ASTN1: variants seen among roughly 807,000 people sequenced by gnomAD.
The protein encoded by ASTN1 is astrotactin-1.
ASTN1 carries 41 observed loss-of-function variants against 140.7 expected under a neutral mutation model. The ratio of observed to expected loss-of-function variants is 0.29; its 90% CI spans 0.23 to 0.38. The LOEUF is 0.38. ASTN1 is among the 10% of genes least tolerant of loss of function. The probability of loss-of-function intolerance (pLI) is 1.00; values close to 1 mark genes in which losing one functional copy is unlikely to be tolerated. For synonymous variants in ASTN1, 640 were observed against 652.2 expected, an observed-to-expected ratio of 0.98 and a Z score of 0.29; for missense variants, 1,479 against 1,678.8, an observed-to-expected ratio of 0.88 and a Z score of 2.08.
At position 177,144,598 on chromosome 1, in the gene ASTN1, T is replaced by C. The variant is rs1329718621; in HGVS notation, c.283+19796A>G. Among the ~76,000 whole-genome samples, 6 of 147,490 alleles carry C rather than the reference T, an allele frequency of 4.1e-5. No homozygotes were observed. The Admixed American group carries it at 4.1e-4, about 10-fold the overall frequency. ...TTATCTCTGAGCTTGTTTAACATAC[T>C]AGATAACAGCCCCAGTGGTTTAGAG... On this transcript the variant is annotated intron_variant, in intron 1 of 22. Transcript: ENST00000361833.
intron 8 of ASTN1, among the ~76,000 whole-genome samples, chr1:176,981,211 C>CAAAAAAAAAA (rs35209486): frequency 1.7e-4 from 4 of 24,058 alleles, no homozygotes; most frequent in African/African-American, 3.2e-4. Context: ...GACTCTGTCT[C>CAAAAAAAAAA]AAAAAAAAAA....
intron 5 of ASTN1, among the ~76,000 whole-genome samples, chr1:177,026,357 C>T (rs1416859183): frequency 1.3e-5 from 2 of 152,310 alleles, no homozygotes; most frequent in East Asian, 3.9e-4. Flanking sequence ...TCTCTCAAAC[C>T]CTGCTCCTCC....
Position 176,975,184 on chromosome 1 carries a change from C to T in ASTN1, c.1524-9947G>A, listed in dbSNP as rs575874770. 1.5e-3 allele frequency among the ~76,000 whole-genome samples: 230 copies of T among 152,320 alleles called. 1 individual carries two copies. The highest frequency in any genetic ancestry group is 5.4e-3 in the African/African-American group (223 of 41,576). ...AGAAAAAGCTGGTAATAGCAGCTGC[C>T]ATTTATTGTGCATTTCCACAAGCCA... On this transcript the variant is annotated intron_variant, in intron 8 of 22. Coordinates refer to ENST00000361833, the MANE Select transcript of ASTN1 (RefSeq NM_004319.3).
chr1:176,857,485 C>A (rs1667847718), downstream of ASTN1: 3 of 418,628 alleles, frequency 7.2e-6, no homozygotes, highest in Non-Finnish European at 8.6e-6. Flanking sequence ...CAGGGCGCAG[C>A]TCCTGCTTTG....
At chr1:176,945,885 C>T (rs753072233) in intron 13 of ASTN1, 41 bp downstream of exon 13, 14 of 1,533,140 alleles carry the variant, frequency 9.1e-6, no homozygotes, top group Middle Eastern at 3.5e-4. Flanking sequence ...GAAAGTCCAC[C>T]AACAGTCTTG....
Position 177,061,144 on chromosome 1 carries a change from GT to G in ASTN1, c.404del (p.Asp135AlafsTer15). On this transcript the variant is annotated frameshift_variant, in exon 2 of 23. Coordinates refer to ENST00000361833, the MANE Select transcript of ASTN1 (RefSeq NM_004319.3). LOFTEE classifies it high-confidence loss of function. ...QDGAPSLPGQ[D>X]PTEEPQHESA... is the part of the protein sequence containing the mutation. ...ACTCATGTTGGGGTTCTTCAGTGGGGTCTTGTCCAGGAAGGCTTGGGGCACC... is the reference window on the plus strand; with the variant it reads ...ACTCATGTTGGGGTTCTTCAGTGGGGCTTGTCCAGGAAGGCTTGGGGCACC... 1 of 1,611,906 alleles carries G rather than the reference GT, an allele frequency of 6.2e-7. No individual in the cohort carries two copies. Among genetic ancestry groups the G allele is most frequent in the East Asian group, 2.2e-5 (1 of 44,714 alleles).
chr1:176,964,395 A>T (rs1284672964), intron 9 of ASTN1, among the ~76,000 whole-genome samples: 1 of 152,226 alleles, frequency 6.6e-6, no homozygotes, highest in Non-Finnish European at 1.5e-5. Flanking sequence ...AAGCACTTAG[A>T]AGGAACTCAG....
At chr1:177,010,556 A>G (rs1304925606) in intron 8 of ASTN1, among the ~76,000 whole-genome samples, 1 of 152,224 alleles carries the variant, frequency 6.6e-6, no homozygotes, top group African/African-American at 2.4e-5. Context: ...CTTAGTGAAT[A>G]GGACCTTCTT....
intron 16 of ASTN1, among the ~76,000 whole-genome samples, chr1:176,898,724 T>C (rs726517): frequency 0.28 from 42,723 of 151,966 alleles, 6,515 homozygotes; most frequent in African/African-American, 0.38. Flanking sequence ...AAGAAGACCC[T>C]GCCTTACTTC....
intron 1 of ASTN1, among the ~76,000 whole-genome samples, chr1:177,149,711 GTATATACATAGTAAATATATATACAC>G (rs1682940578): frequency 1.6e-5 from 1 of 64,116 alleles, no homozygotes; most frequent in Non-Finnish European, 2.4e-5. Context: ...TATATACACT[GTATATACATAGTAAATATATATACAC>G]TGTATATACA....
At chr1:176,966,919 T>C (rs1672917164) in intron 8 of ASTN1, among the ~76,000 whole-genome samples, 1 of 152,002 alleles carries the variant, frequency 6.6e-6, no homozygotes, top group Non-Finnish European at 1.5e-5. Context: ...TAGATACAGG[T>C]TTTATTATTT....
At chr1:176,868,786 A>G in intron 22 of ASTN1, 58 bp downstream of exon 22, 1 of 1,510,336 alleles carries the variant, frequency 6.6e-7, no homozygotes. Context: ...GTATTACGGC[A>G]CAAGAGGTAC....
intron 8 of ASTN1, among the ~76,000 whole-genome samples, chr1:177,002,506 C>T (rs1292654244): frequency 6.6e-6 from 1 of 152,076 alleles, no homozygotes; most frequent in East Asian, 1.9e-4. Flanking sequence ...TATGAGCACT[C>T]TCTAGGGGAT....
intron 17 of ASTN1, among the ~76,000 whole-genome samples, chr1:176,889,691 T>A (rs1669184392): frequency 6.6e-6 from 1 of 152,172 alleles, no homozygotes; most frequent in South Asian, 2.1e-4. Flanking sequence ...ATTATAACTA[T>A]CATTTGTGCA....
chr1:177,122,060 A>T (rs1201703925), intron 1 of ASTN1, among the ~76,000 whole-genome samples: 1 of 152,176 alleles, frequency 6.6e-6, no homozygotes, highest in Non-Finnish European at 1.5e-5. Flanking sequence ...ACTACCCTGG[A>T]GCACTTTGGG....
chr1:176,949,303 G>C lies in ASTN1; in HGVS notation c.1936C>G (p.Arg646Gly), dbSNP rs749259454. Residue 646 changes from arginine to glycine, a missense_variant, in exon 12 of 23, where the codon CGC becomes GGC. Transcript: ENST00000361833. Reference sequence around the variant, plus strand: ...TCGGAACAGTCCACCCCGATGTGGCGGTCATAGCAGCCAGAGCTGTCCTTC... The same window carrying C: ...TCGGAACAGTCCACCCCGATGTGGCCGTCATAGCAGCCAGAGCTGTCCTTC... ...PMKDSSGCYDRHIGVDCSDGF... is the reference protein window; with the variant it reads ...PMKDSSGCYDGHIGVDCSDGF... 2.5e-6 allele frequency: 4 copies of C among 1,613,954 alleles called. No homozygotes were observed. Among genetic ancestry groups the C allele is most frequent in the Non-Finnish European group, 3.4e-6 (4 of 1,180,034 alleles).
intron 1 of ASTN1, among the ~76,000 whole-genome samples, chr1:177,067,696 C>A (rs994395887): frequency 3.3e-5 from 5 of 152,036 alleles, no homozygotes; most frequent in Admixed American, 6.6e-5. Flanking sequence ...CAAGCGTGAC[C>A]CAAGTCTTAA....
intron 22 of ASTN1, among the ~76,000 whole-genome samples, chr1:176,865,359 A>C (rs189747764): frequency 9.5e-4 from 145 of 152,308 alleles, no homozygotes; most frequent in African/African-American, 3.3e-3. Context: ...CTTGGGGGAA[A>C]GGACTGGCAA....
intron 1 of ASTN1, among the ~76,000 whole-genome samples, chr1:177,149,245 C>CTATATATAGTAAATATATATATAGTA (rs1682880584): frequency 1.4e-5 from 1 of 73,766 alleles, no homozygotes; most frequent in Admixed American, 2.0e-4. Context: ...TATATATATA[C>CTATATATAGTAAATATATATATAGTA]TATATATAGT....
Sources: allele counts gnomAD v4.1 joint callset (sites outside exome capture counted in the v4.1 genomes callset), GRCh38; gene constraint gnomAD v4.1.1; transcripts MANE v1.5; gene names NCBI Gene and HGNC (gene_info 2026-07-23, HGNC 2026-07-21).